COL5A2: variants seen among roughly 807,000 people sequenced by gnomAD.
COL5A2 encodes collagen type V alpha 2 chain.
A neutral mutation model predicts 208.2 loss-of-function variants in COL5A2; 23 were observed. The observed-to-expected ratio is 0.11, with a 90% confidence interval of 0.08 to 0.16. COL5A2 has a LOEUF of 0.16. Among genes scored for constraint, COL5A2 ranks in the 10% least tolerant of loss-of-function variants. The pLI, the probability that COL5A2 is intolerant of heterozygous loss-of-function variation, is 1.00. For synonymous variants in COL5A2, 625 were observed against 628.5 expected (o/e 0.99, Z 0.08); for missense variants, 1,590 against 1,956.4 (o/e 0.81, Z 3.53).
intron 7 of COL5A2, 67 bp from the exon 8 acceptor site, chr2:189,088,839 G>T: frequency 8.6e-7 from 1 of 1,156,504 alleles, no homozygotes; most frequent in Non-Finnish European, 1.3e-6. Context: ...TTTTCATATG[G>T]ATAAATGTAC....
chr2:189,046,842 G>A (rs11686253), intron 45 of COL5A2, among the ~76,000 whole-genome samples: 107,764 of 151,704 alleles, frequency 0.71, 39,312 homozygotes, highest in Non-Finnish European at 0.81. Flanking sequence ...ACTTGCCCGG[G>A]CACAGTGGCT....
chr2:189,438,629 A>T, the COL5A2 span, among the ~76,000 whole-genome samples: 1 of 152,170 alleles, frequency 6.6e-6, no homozygotes, highest in Non-Finnish European at 1.5e-5. Flanking sequence ...AAAAGGCAAA[A>T]CTAGGGATGG....
At chr2:189,038,953 T>C (rs1334012320) in intron 51 of COL5A2, among the ~76,000 whole-genome samples, 1 of 152,096 alleles carries the variant, frequency 6.6e-6, no homozygotes, top group Admixed American at 6.5e-5. Context: ...CCTCCCAAAG[T>C]GCTGGGATTA....
At chr2:189,260,695 T>A in the COL5A2 span, among the ~76,000 whole-genome samples, 1 of 152,174 alleles carries the variant, frequency 6.6e-6, no homozygotes, top group Non-Finnish European at 1.5e-5. Flanking sequence ...TAATGGCATT[T>A]GGCAAAAGGT....
In COL5A2 at chr2:189,110,282, G is replaced by A; in HGVS notation, c.265C>T (p.Pro89Ser). 1 of 1,614,076 alleles carries A rather than the reference G, an allele frequency of 6.2e-7. No homozygotes were observed. Among genetic ancestry groups the A allele is most frequent in the Non-Finnish European group, 8.5e-7 (1 of 1,180,016 alleles). Residue 89 changes from proline to serine, a missense_variant, in exon 2 of 54, where the codon CCT (proline) becomes TCT (serine). By Grantham distance (74) the Pro-to-Ser change is moderately conservative. Coordinates refer to ENST00000374866, the MANE Select transcript of COL5A2 (RefSeq NM_000393.5). Reference sequence around the variant, plus strand: ...GAACAGACAGGACAGCATTCCCCAGGGGGCGTTACAGGGTCGGCACAGTCC... The same window carrying A: ...GAACAGACAGGACAGCATTCCCCAGAGGGCGTTACAGGGTCGGCACAGTCC... ...VLDCADPVTPPGECCPVCSQT... is the reference protein window; with the variant it reads ...VLDCADPVTPSGECCPVCSQT...
At chr2:189,354,629 CT>C in the COL5A2 span, among the ~76,000 whole-genome samples, 3 of 151,674 alleles carry the variant, frequency 2.0e-5, no homozygotes, top group African/African-American at 7.3e-5. Flanking sequence ...GTGATAGCCC[CT>C]TTATCATTTT....
At chr2:189,268,065 A>G in the COL5A2 span, among the ~76,000 whole-genome samples, 1 of 152,054 alleles carries the variant, frequency 6.6e-6, no homozygotes, top group Non-Finnish European at 1.5e-5. Context: ...TATGTTATCC[A>G]CTGTCTTTTT....
the COL5A2 span, among the ~76,000 whole-genome samples, chr2:189,395,874 T>C: frequency 9.1e-6 from 1 of 109,936 alleles, no homozygotes; most frequent in Non-Finnish European, 1.7e-5. Flanking sequence ...ATGGTGCCAC[T>C]GCACTCCAGC....
At chr2:189,284,964 G>T in the COL5A2 span, among the ~76,000 whole-genome samples, 1 of 151,644 alleles carries the variant, frequency 6.6e-6, no homozygotes, top group African/African-American at 2.4e-5. Context: ...CTTGATATGG[G>T]GTAATTCTTG....
the COL5A2 span, among the ~76,000 whole-genome samples, chr2:189,338,153 C>T: frequency 7.9e-5 from 12 of 152,112 alleles, no homozygotes; most frequent in Admixed American, 5.9e-4. Flanking sequence ...CTTTCTCATT[C>T]GAAAATTCCC....
chr2:189,058,489 C>G lies in COL5A2; in HGVS notation c.2169G>C (p.Gly723=), dbSNP rs1272808206. 1 of 1,613,996 alleles carries G rather than the reference C, an allele frequency of 6.2e-7. No individual in the cohort carries two copies. The highest frequency in any genetic ancestry group is 1.7e-5 in the Admixed American group (1 of 60,018). Residue 723 remains glycine, a synonymous_variant, in exon 33 of 54, where the codon GGG becomes GGC. Coordinates refer to ENST00000374866, the MANE Select transcript of COL5A2 (RefSeq NM_000393.5). ...RGNPGERGEP[G]ITGLPGEKGM... is the part of the protein sequence containing the mutation. ...CCTTCTCACCAGGGAGTCCAGTTAT[C>G]CCAGGTTCTCCTCTTTCCCCAGGAT...
chr2:189,038,439 C>T (rs1045230147), intron 51 of COL5A2, among the ~76,000 whole-genome samples: 3 of 152,094 alleles, frequency 2.0e-5, no homozygotes, highest in African/African-American at 7.2e-5. Context: ...CATTGATGGG[C>T]ATCTGGGTCA....
chr2:189,064,964 A>AC lies in COL5A2; in HGVS notation c.1617+39dup, dbSNP rs780136937. On this transcript the variant is annotated intron_variant, in intron 24 of 53. Transcript: ENST00000374866. ...GCTGAAAAATGGCATCTTCTGGAGC[A>AC]CCCCCCACGTAAGTATCAACATTGA... is the stretch of plus-strand genomic sequence containing the variant. 4.9e-5 allele frequency: 78 copies of AC among 1,600,884 alleles called. No homozygotes were observed. The South Asian group carries it at 8.0e-4, about 16-fold the overall frequency.
the COL5A2 span, among the ~76,000 whole-genome samples, chr2:189,282,079 G>A: frequency 1.3e-5 from 2 of 152,104 alleles, no homozygotes; most frequent in African/African-American, 2.4e-5. Context: ...CAGCCACTCC[G>A]GAGGCTGAGG....
chr2:189,198,817 C>G (rs1340169531), intron 1 of COL5A2, among the ~76,000 whole-genome samples: 1 of 152,110 alleles, frequency 6.6e-6, no homozygotes, highest in Non-Finnish European at 1.5e-5. Flanking sequence ...CACCATTTCT[C>G]AACCTGAAAG....
At chr2:189,395,912 A>G in the COL5A2 span, among the ~76,000 whole-genome samples, 2 of 150,018 alleles carry the variant, frequency 1.3e-5, no homozygotes, top group Non-Finnish European at 3.0e-5. Flanking sequence ...AAAAAAAAAA[A>G]AAAAAAAAAA....
intron 1 of COL5A2, among the ~76,000 whole-genome samples, chr2:189,206,534 A>T (rs1298992931): frequency 6.6e-6 from 1 of 152,160 alleles, no homozygotes; most frequent in Non-Finnish European, 1.5e-5. Flanking sequence ...ACACCCTGGG[A>T]TGGATAGAAG....
At chr2:189,083,758 T>C (rs1436521751) in intron 12 of COL5A2, among the ~76,000 whole-genome samples, 3 of 152,140 alleles carry the variant, frequency 2.0e-5, no homozygotes, top group Non-Finnish European at 4.4e-5. Flanking sequence ...TCAATATACT[T>C]CTCTAGCTCC....
chr2:189,080,800 A>C (rs1402245942), intron 13 of COL5A2, among the ~76,000 whole-genome samples, 190 bp downstream of exon 13: 1 of 152,196 alleles, frequency 6.6e-6, no homozygotes, highest in East Asian at 1.9e-4. Flanking sequence ...ATATTTCTTT[A>C]TCAAATCAAA....
Sources: gnomAD v4.1 joint callset for allele counts (sites outside exome capture counted in the v4.1 genomes callset) on GRCh38, gnomAD v4.1.1 for gene constraint, MANE v1.5 for transcripts, NCBI Gene and HGNC (gene_info 2026-07-23, HGNC 2026-07-21) for gene names.